Variants in DPP6 observed in about 807,000 individuals in gnomAD.
The protein encoded by DPP6 is dipeptidyl peptidase like 6.
A neutral mutation model predicts 122.6 loss-of-function variants in DPP6; 69 were observed. The ratio of observed to expected loss-of-function variants is 0.56; its 90% CI spans 0.46 to 0.69. DPP6 has a LOEUF of 0.69. DPP6 is among the 30% of genes least tolerant of loss of function. The pLI is 0.00. For synonymous variants in DPP6, 418 were observed against 433.1 expected (o/e 0.97, Z 0.43); for missense variants, 928 against 1,116.9 (o/e 0.83, Z 2.41).
At chr7:154,006,870 A>AT (rs1797935104) in intron 1 of DPP6, among the ~76,000 whole-genome samples, 1 of 152,210 alleles carries the variant, frequency 6.6e-6, no homozygotes, top group African/African-American at 2.4e-5. Flanking sequence ...GCTGCTGGGT[A>AT]TTTGGCTCAG....
At chr7:154,233,621 G>A (rs770535240) in intron 1 of DPP6, among the ~76,000 whole-genome samples, 2 of 152,230 alleles carry the variant, frequency 1.3e-5, no homozygotes, top group East Asian at 1.9e-4. Flanking sequence ...GTGCTGTTCC[G>A]ACAAGCCAAG....
chr7:154,571,641 G>T (rs1831115577), intron 5 of DPP6, among the ~76,000 whole-genome samples: 1 of 152,112 alleles, frequency 6.6e-6, no homozygotes, highest in Admixed American at 6.5e-5. Context: ...TCAGATCATT[G>T]CCAGTGGAAC....
intron 1 of DPP6, among the ~76,000 whole-genome samples, chr7:154,265,778 A>T (rs10952470): frequency 0.65 from 98,485 of 152,106 alleles, 32,568 homozygotes; most frequent in African/African-American, 0.78. Flanking sequence ...ATTTCTTTTT[A>T]AAAAAATATA....
intron 1 of DPP6, among the ~76,000 whole-genome samples, chr7:154,308,971 A>C (rs7776740): frequency 0.08 from 12,142 of 152,204 alleles, 904 homozygotes; most frequent in African/African-American, 0.2. Context: ...CACACAAACA[A>C]ATGCACACAC....
chr7:153,913,886 T>C (rs1800193639), intron 1 of DPP6, among the ~76,000 whole-genome samples: 1 of 152,160 alleles, frequency 6.6e-6, no homozygotes, highest in Non-Finnish European at 1.5e-5. Context: ...TCTTAACATT[T>C]GAAAATTATA....
chr7:154,728,912 C>T (rs189931849), intron 8 of DPP6, among the ~76,000 whole-genome samples: 50 of 152,308 alleles, frequency 3.3e-4, no homozygotes, highest in Middle Eastern at 3.4e-3. Context: ...CCCTCATAAC[C>T]TCATCACCTT....
the DPP6 span, among the ~76,000 whole-genome samples, chr7:153,762,420 A>C: frequency 6.6e-6 from 1 of 152,158 alleles, no homozygotes; most frequent in Non-Finnish European, 1.5e-5. Flanking sequence ...CCAATTGGAC[A>C]TCTGTGTAAT....
intron 1 of DPP6, among the ~76,000 whole-genome samples, chr7:154,436,264 C>T (rs1305266444): frequency 6.6e-6 from 1 of 151,130 alleles, no homozygotes; most frequent in African/African-American, 2.4e-5. Context: ...GACATGTAGC[C>T]ACACATGCAC....
At chr7:154,818,233 T>C (rs1002572256) in intron 16 of DPP6, among the ~76,000 whole-genome samples, 1 of 152,142 alleles carries the variant, frequency 6.6e-6, no homozygotes, top group Non-Finnish European at 1.5e-5. Context: ...GGGATGGAAA[T>C]GGCTGTCATG....
At chr7:153,829,028 A>G in the DPP6 span, among the ~76,000 whole-genome samples, 1 of 152,350 alleles carries the variant, frequency 6.6e-6, no homozygotes, top group African/African-American at 2.4e-5. Context: ...TTACACAGAT[A>G]CATCATGGTT....
chr7:153,995,414 G>A (rs1314449165), intron 1 of DPP6, among the ~76,000 whole-genome samples: 7 of 151,920 alleles, frequency 4.6e-5, no homozygotes, highest in Non-Finnish European at 7.4e-5. Flanking sequence ...GTGAAACCCC[G>A]TCTCTACTAA....
chr7:154,371,246 G>T (rs1812627450), intron 1 of DPP6, among the ~76,000 whole-genome samples: 1 of 151,794 alleles, frequency 6.6e-6, no homozygotes, highest in African/African-American at 2.4e-5. Flanking sequence ...AGGCATGGTG[G>T]CAGGCACCTA....
intron 7 of DPP6, among the ~76,000 whole-genome samples, chr7:154,696,357 A>G (rs980295320): frequency 6.6e-6 from 1 of 152,198 alleles, no homozygotes; most frequent in Admixed American, 6.5e-5. Flanking sequence ...CAGGAGTCGC[A>G]GTGAGTTCAG....
At chr7:154,881,122 T>A in intron 21 of DPP6, 180 bp downstream of exon 21, 8 of 1,076,214 alleles carry the variant, frequency 7.4e-6, no homozygotes, top group Non-Finnish European at 9.9e-6. Flanking sequence ...TTTGATCAGC[T>A]CATTTTCCTA....
chr7:153,914,241 TTGCCTTC>T (rs1484424007), intron 1 of DPP6, among the ~76,000 whole-genome samples: 4 of 152,184 alleles, frequency 2.6e-5, no homozygotes, highest in African/African-American at 7.2e-5. Flanking sequence ...GACGTGCCTT[TTGCCTTC>T]TGCCATGATT....
the DPP6 span, among the ~76,000 whole-genome samples, chr7:153,760,750 G>T: frequency 2.0e-5 from 3 of 152,100 alleles, no homozygotes; most frequent in Admixed American, 2.0e-4. Flanking sequence ...TGGCTTATCT[G>T]AGCACGTACT....
intron 4 of DPP6, among the ~76,000 whole-genome samples, chr7:154,547,274 G>T (rs1233672037): frequency 6.6e-6 from 1 of 152,208 alleles, no homozygotes; most frequent in Non-Finnish European, 1.5e-5. Flanking sequence ...AACCATGAGG[G>T]GAAACAGCCG....
chr7:154,083,252 C>T (rs907935290), intron 1 of DPP6, among the ~76,000 whole-genome samples: 14 of 152,106 alleles, frequency 9.2e-5, no homozygotes, highest in Admixed American at 5.9e-4. Flanking sequence ...TTTTGACTAC[C>T]TGTTCTAAGG....
chr7:154,341,143 C>G (rs1010609769), intron 1 of DPP6, among the ~76,000 whole-genome samples: 1 of 152,256 alleles, frequency 6.6e-6, no homozygotes, highest in South Asian at 2.1e-4. Context: ...ATTACTCTGT[C>G]CCCATTTGGC....
Sources: gnomAD v4.1 joint callset for allele counts (sites outside exome capture counted in the v4.1 genomes callset) on GRCh38, gnomAD v4.1.1 for gene constraint, MANE v1.5 for transcripts, NCBI Gene and HGNC (gene_info 2026-07-23, HGNC 2026-07-21) for gene names.